The following CYTH4 variants were observed in gnomAD, a reference collection of about 807,000 sequenced individuals.
CYTH4 encodes cytohesin 4.
A neutral mutation model predicts 57.5 loss-of-function variants in CYTH4; 22 were observed. That is an observed-to-expected ratio of 0.38 (90% CI 0.27 to 0.55). The LOEUF is 0.55. Among genes scored for constraint, CYTH4 ranks in the 20% least tolerant of loss-of-function variants. The probability of loss-of-function intolerance (pLI) is 0.74; values close to 1 mark genes in which losing one functional copy is unlikely to be tolerated. For missense variants in CYTH4, 420 were observed against 535.6 expected, an observed-to-expected ratio of 0.78 and a Z score of 2.13; for synonymous variants, 186 against 206.5, an observed-to-expected ratio of 0.90 and a Z score of 0.85.
intron 2 of CYTH4, among the ~76,000 whole-genome samples, chr22:37,293,186 C>G (rs1291216057): frequency 2.0e-5 from 3 of 152,258 alleles, no homozygotes; most frequent in Non-Finnish European, 4.4e-5. Flanking sequence ...TGCCCCTGGG[C>G]CTTTGCACTC....
In CYTH4 at chr22:37,303,401, G is replaced by T. The variant is rs200267703; in HGVS notation, c.695G>T (p.Arg232Leu). ...AGCGACCTGCCCGAGGACCAGCTGC[G>T]GGTGAGAGAGGCGCAGCCCACCCAG... is the stretch of plus-strand genomic sequence containing the variant. Reference protein sequence around the residue: ...NGSDLPEDQLRNLFDSIKSEP... With the variant: ...NGSDLPEDQLLNLFDSIKSEP... Residue 232 changes from arginine to leucine, a missense_variant and splice_region_variant, in exon 8 of 13, where the codon CGG (arginine) becomes CTG (leucine). By Grantham distance (102) the Arg-to-Leu change is moderately radical. Coordinates refer to ENST00000248901, the MANE Select transcript of CYTH4 (RefSeq NM_013385.5). 1.9e-6 allele frequency: 3 copies of T among 1,612,644 alleles called. No homozygotes were observed. The highest frequency in any genetic ancestry group is 2.5e-6 in the Non-Finnish European group (3 of 1,179,462).
chr22:37,293,800 G>A (rs1278321419), intron 2 of CYTH4, among the ~76,000 whole-genome samples: 1 of 152,120 alleles, frequency 6.6e-6, no homozygotes. Context: ...GCCACTGGGT[G>A]CCTCCTGCAG....
In CYTH4 at chr22:37,294,730, G is replaced by A; in HGVS notation, c.167+6G>A. 1.9e-6 allele frequency: 3 copies of A among 1,613,822 alleles called. No individual in the cohort carries two copies. The highest frequency in any genetic ancestry group is 1.7e-5 in the Admixed American group (1 of 60,004). On this transcript the variant is annotated splice_donor_region_variant and intron_variant, in intron 3 of 12. Transcript: ENST00000248901. The stretch of plus-strand genomic sequence containing the variant: ...TTCGAGAGTGCGGAGGAGAGGTGAG[G>A]GGCTTGGGTGGGGACCCCCAGAAAC...
chr22:37,283,761 T>A (rs564210573), intron 1 of CYTH4, among the ~76,000 whole-genome samples: 19 of 152,178 alleles, frequency 1.2e-4, no homozygotes, highest in Admixed American at 1.0e-3. Flanking sequence ...CCCATGGGCT[T>A]TGGGGGCTCC....
chr22:37,290,596 CCCAGGTTCACG>C (rs1281346589), intron 1 of CYTH4, among the ~76,000 whole-genome samples: 1 of 152,164 alleles, frequency 6.6e-6, no homozygotes, highest in Non-Finnish European at 1.5e-5. Context: ...AGCTCCGCCT[CCCAGGTTCACG>C]CCATTCTCCT....
In CYTH4 at chr22:37,311,938, A is replaced by C; in HGVS notation, c.958-82A>C. 1.3e-6 allele frequency: 2 copies of C among 1,526,356 alleles called. No individual in the cohort carries two copies. The highest frequency in any genetic ancestry group is 2.4e-4 in the Middle Eastern group (1 of 4,224). The allele number at this position is 1,526,356 out of a possible 1,614,324, so 94.6% of individuals were successfully genotyped here. A position where few individuals can be genotyped will look rare whatever the true frequency, so the allele number is the denominator to read the frequency against. On this transcript the variant is annotated intron_variant, in intron 11 of 12. Transcript: ENST00000248901. This position sits in a 1 kb window ranked among gnomAD's most constrained non-coding sequence, Gnocchi z 4.4. ...GGCTGTCACGCTGATCAGGGACACT[A>C]GCGTCTGGGCTTCTCTGAGCCTCCT...
At chr22:37,300,483 G>A (rs917231793) in intron 6 of CYTH4, among the ~76,000 whole-genome samples, 3 of 152,182 alleles carry the variant, frequency 2.0e-5, no homozygotes, top group East Asian at 1.9e-4. Flanking sequence ...GAGGGAAGTC[G>A]AGGTTCCAAG....
At chr22:37,300,070 G>A (rs190963885) in intron 6 of CYTH4, 1 of 717,368 alleles carries the variant, frequency 1.4e-6, no homozygotes, top group Non-Finnish European at 2.6e-6. Context: ...AACTTCACAG[G>A]GTTGTGAAGA....
chr22:37,301,052 G>A, intron 7 of CYTH4, 33 bp downstream of exon 7: 1 of 1,585,670 alleles, frequency 6.3e-7, no homozygotes, highest in Non-Finnish European at 8.6e-7. Context: ...CAGGGCTCCG[G>A]GACCCCTTCA....
At chr22:37,292,975 T>C (rs967393354) in intron 2 of CYTH4, among the ~76,000 whole-genome samples, 5 of 152,260 alleles carry the variant, frequency 3.3e-5, no homozygotes, top group Admixed American at 2.0e-4. Context: ...ACTTGCTTTG[T>C]CACAGGGCAG....
chr22:37,309,841 C>A, intron 9 of CYTH4: 1 of 313,408 alleles, frequency 3.2e-6, no homozygotes, highest in Non-Finnish European at 6.7e-6. Flanking sequence ...GGGAGGCTCC[C>A]TTCAAGCTGA....
At chr22:37,299,988 C>G (rs75779185) in intron 6 of CYTH4, 2 of 708,046 alleles carry the variant, frequency 2.8e-6, no homozygotes, top group African/African-American at 3.5e-5. Context: ...GAGGCTCTGT[C>G]TCACAAAAAA....
chr22:37,296,328 C>G (rs2145860561), intron 4 of CYTH4: 1 of 498,118 alleles, frequency 2.0e-6, no homozygotes, highest in East Asian at 3.6e-5. Context: ...CTAGTCCCTT[C>G]CCCACTCTGG....
At position 37,314,506 on chromosome 22, in the gene CYTH4, A is replaced by C. The variant is rs578141355; in HGVS notation, c.*995A>C. 55 of 398,540 alleles carry C rather than the reference A, an allele frequency of 1.4e-4. No homozygotes were observed. In the Admixed American group the frequency reaches 2.0e-3, roughly 14 times the overall value. The allele number at this position is 398,540 out of a possible 1,614,324, so 24.7% of individuals were successfully genotyped here. A position where few individuals can be genotyped will look rare whatever the true frequency, so the allele number is the denominator to read the frequency against. On this transcript the variant is annotated 3_prime_UTR_variant, in exon 13 of 13. Coordinates refer to ENST00000248901, the MANE Select transcript of CYTH4 (RefSeq NM_013385.5). ...GGCAGTGGCTGAGCCAGAAAGTAAC[A>C]CAGAGCTCATGCTTGGAGAGAGAGA...
chr22:37,283,907 C>T (rs2284043), intron 1 of CYTH4, among the ~76,000 whole-genome samples: 83,180 of 151,064 alleles, frequency 0.55, 23,148 homozygotes, highest in South Asian at 0.6. Context: ...CACCGAGATG[C>T]AACCCCCCTG....
At chr22:37,286,427 G>A (rs1928564073) in intron 1 of CYTH4, among the ~76,000 whole-genome samples, 1 of 152,172 alleles carries the variant, frequency 6.6e-6, no homozygotes, top group African/African-American at 2.4e-5. Context: ...GAGTGGATGG[G>A]AAGAGCCTGG....
intron 6 of CYTH4, among the ~76,000 whole-genome samples, chr22:37,300,522 T>G (rs1199147885): frequency 7.2e-5 from 11 of 152,138 alleles, no homozygotes; most frequent in Admixed American, 7.2e-4. Flanking sequence ...GCAAAACCCC[T>G]GCCCCACCTC....
rs200382267 is a variant in CYTH4, at chr22:37,313,467, G to A, written c.1141G>A (p.Asp381Asn). ...CAGCATCACCCGTGTCCCCTTCTAC[G>A]ACCTGGTCTCTACTCGGAAGAAGAA... ...RASITRVPFY[D>N]LVSTRKKKIA... The change falls in exon 13 of 13, where the codon GAC becomes AAC. Residue 381 changes from aspartate to asparagine, a missense_variant. By Grantham distance (23) the Asp-to-Asn change is conservative. Transcript: ENST00000248901. The A allele has an allele frequency of 4.7e-5, 76 of 1,614,002 alleles. No individual in the cohort carries two copies. Among genetic ancestry groups the A allele is most frequent in the Non-Finnish European group, 6.2e-5 (73 of 1,180,024 alleles).
intron 9 of CYTH4, 96 bp from the exon 10 acceptor site, chr22:37,310,892 T>C (rs1601712171): frequency 3.7e-6 from 5 of 1,339,224 alleles, no homozygotes. Flanking sequence ...CAGCTGGGGG[T>C]CCAGGGGAAA....
Sources: allele counts gnomAD v4.1 joint callset (sites outside exome capture counted in the v4.1 genomes callset), GRCh38; gene constraint gnomAD v4.1.1; non-coding constraint Gnocchi (gnomAD v3.1); transcripts MANE v1.5; gene names NCBI Gene and HGNC (gene_info 2026-07-23, HGNC 2026-07-21).